The following STK3 variants were observed in gnomAD, a reference collection of about 807,000 sequenced individuals.
STK3 encodes serine/threonine kinase 3.
Under a neutral mutation model 58.0 loss-of-function variants are expected in STK3, and 41 were observed. The observed-to-expected ratio is 0.71, with a 90% CI of 0.55 to 0.92. The LOEUF is 0.92. Among genes scored for constraint, STK3 ranks in the 40% least tolerant of loss-of-function variants. The pLI is 0.00. For synonymous variants in STK3, 170 were observed against 191.0 expected (o/e 0.89, Z 0.91); for missense variants, 479 against 602.7 (o/e 0.79, Z 2.15).
intron 1 of STK3, among the ~76,000 whole-genome samples, chr8:98,791,399 A>C (rs1483746245): frequency 6.6e-6 from 1 of 152,204 alleles, no homozygotes; most frequent in East Asian, 1.9e-4. Context: ...TACTGCCAAA[A>C]GCAATCTACA....
At chr8:98,636,917 A>G (rs1385053193) in intron 6 of STK3, among the ~76,000 whole-genome samples, 1 of 152,148 alleles carries the variant, frequency 6.6e-6, no homozygotes, top group Non-Finnish European at 1.5e-5. Context: ...TGTCCTTGCA[A>G]TATTGGTCAT....
intron 10 of STK3, among the ~76,000 whole-genome samples, chr8:98,493,232 CA>C (rs58987455): frequency 0.91 from 109,472 of 120,286 alleles, 49,563 homozygotes; most frequent in Middle Eastern, 0.96. Context: ...GACCCTGTCT[CA>C]AAAAAAAAAA....
At chr8:98,700,454 G>A (rs967483681) in intron 6 of STK3, among the ~76,000 whole-genome samples, 1 of 152,210 alleles carries the variant, frequency 6.6e-6, no homozygotes, top group Non-Finnish European at 1.5e-5. Context: ...CCCGTCTTCT[G>A]CGTCGCTCAC....
intron 1 of STK3, among the ~76,000 whole-genome samples, chr8:98,379,525 G>A (rs1302778446): frequency 6.6e-6 from 1 of 152,154 alleles, no homozygotes; most frequent in South Asian, 2.1e-4. Flanking sequence ...ATCTTGGTTT[G>A]CAATGACCTG....
At chr8:98,870,839 T>C (rs1205458491) in intron 3 of STK3, among the ~76,000 whole-genome samples, 2 of 152,224 alleles carry the variant, frequency 1.3e-5, no homozygotes, top group Non-Finnish European at 2.9e-5. Context: ...AGAAGCTCTT[T>C]AGTTTAATTA....
chr8:98,499,928 A>G (rs538863427), intron 10 of STK3, among the ~76,000 whole-genome samples: 2 of 152,244 alleles, frequency 1.3e-5, no homozygotes, highest in East Asian at 3.9e-4. Flanking sequence ...TGCATGTGAG[A>G]TAGATGTAAA....
chr8:98,618,304 G>A (rs1183411904), intron 6 of STK3, among the ~76,000 whole-genome samples: 2 of 146,912 alleles, frequency 1.4e-5, no homozygotes, highest in African/African-American at 5.0e-5. Flanking sequence ...GGTATTGATG[G>A]GACGTATTTC....
chr8:98,485,240 T>G (rs1822159887), intron 10 of STK3, among the ~76,000 whole-genome samples: 1 of 112,260 alleles, frequency 8.9e-6, no homozygotes, highest in Non-Finnish European at 1.9e-5. Flanking sequence ...AAACTGCGTC[T>G]CAAAAAAAAA....
intron 1 of STK3, among the ~76,000 whole-genome samples, chr8:98,894,499 C>G (rs1838378303): frequency 1.3e-5 from 2 of 152,210 alleles, no homozygotes; most frequent in Non-Finnish European, 2.9e-5. Flanking sequence ...AAAATTTCAT[C>G]TCTATGGCCC....
chr8:98,351,294 A>G, the STK3 span, among the ~76,000 whole-genome samples: 2 of 152,242 alleles, frequency 1.3e-5, no homozygotes, highest in Non-Finnish European at 2.9e-5. Flanking sequence ...AGTGCTAATG[A>G]TAAAGTGTAT....
chr8:98,886,325 T>C lies in STK3; in HGVS notation c.-78-2491A>G, dbSNP rs143914575. Among the ~76,000 whole-genome samples, 3 of 152,328 alleles carry C rather than the reference T, an allele frequency of 2.0e-5. No homozygotes were observed. In the East Asian group the frequency reaches 5.8e-4, roughly 29 times the overall value. On this transcript the variant is annotated intron_variant, in intron 1 of 1. Transcript: ENST00000519420. ...GCATTGGTGGAATCTGGGTGAAGTA[T>C]ACACGAAACCTCCACATGACAGGTT... is the stretch of plus-strand genomic sequence containing the variant.
At chr8:98,451,910 A>AC (rs1474596684), downstream of STK3, among the ~76,000 whole-genome samples, 2 of 148,838 alleles carry the variant, frequency 1.3e-5, no homozygotes, top group Non-Finnish European at 3.0e-5. Flanking sequence ...AAAAAAAAAA[A>AC]CCCTGGTACT....
At chr8:98,541,032 C>A (rs1563720197) in intron 9 of STK3, among the ~76,000 whole-genome samples, 1 of 152,164 alleles carries the variant, frequency 6.6e-6, no homozygotes, top group Non-Finnish European at 1.5e-5. Flanking sequence ...CAGCGGTAGC[C>A]TCTGGATTGC....
At chr8:98,513,597 T>C (rs1395502558) in intron 10 of STK3, among the ~76,000 whole-genome samples, 1 of 152,144 alleles carries the variant, frequency 6.6e-6, no homozygotes, top group East Asian at 1.9e-4. Context: ...ACTTCTTATC[T>C]AGAGATTTCT....
chr8:98,908,729 G>T (rs1038138345), intron 1 of STK3, among the ~76,000 whole-genome samples: 2 of 151,218 alleles, frequency 1.3e-5, no homozygotes, highest in African/African-American at 4.9e-5. Flanking sequence ...TGTAATCCCA[G>T]CTACTCAGGA....
At chr8:98,425,672 C>T (rs994256059) in intron 3 of STK3, among the ~76,000 whole-genome samples, 6 of 152,216 alleles carry the variant, frequency 3.9e-5, no homozygotes, top group Non-Finnish European at 8.8e-5. Flanking sequence ...GACTTGGATG[C>T]AGGAGCCCCC....
intron 9 of STK3, among the ~76,000 whole-genome samples, chr8:98,543,412 G>A (rs1415940698): frequency 6.6e-6 from 1 of 152,080 alleles, no homozygotes; most frequent in Non-Finnish European, 1.5e-5. Flanking sequence ...CAGAGGATCA[G>A]TTTAGAAGCC....
chr8:98,753,294 A>G (rs533256503), intron 3 of STK3, among the ~76,000 whole-genome samples: 68 of 152,362 alleles, frequency 4.5e-4, no homozygotes, highest in African/African-American at 1.4e-3. Flanking sequence ...TGCAGCCACA[A>G]AAAAGAACAA....
chr8:98,381,080 C>G (rs1817727033), intron 1 of STK3, among the ~76,000 whole-genome samples: 1 of 141,666 alleles, frequency 7.1e-6, no homozygotes, highest in Non-Finnish European at 1.5e-5. Flanking sequence ...AAGTGATTCT[C>G]TTGCCTAAGC....
Sources: allele counts gnomAD v4.1 joint callset (sites outside exome capture counted in the v4.1 genomes callset), GRCh38; gene constraint gnomAD v4.1.1; transcripts MANE v1.5; gene names NCBI Gene and HGNC (gene_info 2026-07-23, HGNC 2026-07-21).